GRID2: variants seen among roughly 807,000 people sequenced by gnomAD.
GRID2 encodes glutamate ionotropic receptor delta type subunit 2.
In GRID2, 33 loss-of-function variants were observed where a neutral mutation model predicts 114.8. The observed-to-expected ratio is 0.29, with a 90% CI of 0.22 to 0.38. GRID2 has a LOEUF of 0.38. GRID2 is among the 10% of genes least tolerant of loss of function. The pLI is 1.00. For missense variants in GRID2, 1,184 were observed against 1,257.7 expected, an observed-to-expected ratio of 0.94 and a Z score of 0.89; for synonymous variants, 505 against 449.9, an observed-to-expected ratio of 1.12 and a Z score of -1.55.
intron 1 of GRID2, among the ~76,000 whole-genome samples, chr4:92,497,432 C>G (rs1427027951): frequency 6.6e-6 from 1 of 151,512 alleles, no homozygotes; most frequent in African/African-American, 2.4e-5. Context: ...TCAACACCAG[C>G]CTTAACTACC....
At chr4:93,531,334 C>G (rs1408134224) in intron 13 of GRID2, among the ~76,000 whole-genome samples, 1 of 152,080 alleles carries the variant, frequency 6.6e-6, no homozygotes, top group African/African-American at 2.4e-5. Context: ...ACTGGCAAAC[C>G]TAGTCTTTAT....
intron 3 of GRID2, among the ~76,000 whole-genome samples, chr4:93,099,594 A>T (rs904914311): frequency 2.0e-5 from 3 of 151,954 alleles, no homozygotes; most frequent in Non-Finnish European, 4.4e-5. Flanking sequence ...TGTTACCCAT[A>T]TGCACAAAAA....
At chr4:92,922,334 G>A (rs1335925035) in intron 2 of GRID2, among the ~76,000 whole-genome samples, 2 of 152,202 alleles carry the variant, frequency 1.3e-5, no homozygotes, top group African/African-American at 4.8e-5. Flanking sequence ...CTCATGTTTG[G>A]TGCACTGCAC....
At chr4:93,732,066 A>G (rs951571560) in intron 14 of GRID2, among the ~76,000 whole-genome samples, 1 of 152,232 alleles carries the variant, frequency 6.6e-6, no homozygotes, top group Non-Finnish European at 1.5e-5. Context: ...AGCATCAAGA[A>G]AAATCAGCAG....
chr4:93,504,425 G>A (rs1020335576), intron 12 of GRID2, among the ~76,000 whole-genome samples: 9 of 151,962 alleles, frequency 5.9e-5, no homozygotes, highest in Non-Finnish European at 1.2e-4. Context: ...GTATGGAATA[G>A]GGAGTAAGCT....
chr4:93,408,501 C>A (rs1355806880), intron 9 of GRID2, among the ~76,000 whole-genome samples: 1 of 151,824 alleles, frequency 6.6e-6, no homozygotes, highest in Non-Finnish European at 1.5e-5. Flanking sequence ...TAAAATATAG[C>A]AATAAAAATA....
chr4:93,785,655 C>T (rs1734576163), intron 1 of GRID2, among the ~76,000 whole-genome samples: 1 of 152,240 alleles, frequency 6.6e-6, no homozygotes, highest in Non-Finnish European at 1.5e-5. Context: ...CCAGGCATCA[C>T]TAAGAAGCCA....
chr4:92,610,053 G>C (rs1410970490), intron 2 of GRID2, among the ~76,000 whole-genome samples: 1 of 151,498 alleles, frequency 6.6e-6, no homozygotes, highest in Non-Finnish European at 1.5e-5. Flanking sequence ...CTGGGTTTAT[G>C]GTCCCCCAAA....
intron 2 of GRID2, among the ~76,000 whole-genome samples, chr4:92,614,671 G>A (rs1266488293): frequency 2.6e-5 from 4 of 151,582 alleles, no homozygotes; most frequent in Non-Finnish European, 4.4e-5. Context: ...GATAGAATGT[G>A]TATTTGCTAT....
At chr4:93,062,316 A>G (rs1226410254) in intron 2 of GRID2, among the ~76,000 whole-genome samples, 1 of 152,116 alleles carries the variant, frequency 6.6e-6, no homozygotes, top group African/African-American at 2.4e-5. Context: ...ATATTTACCA[A>G]AATTTCAAAA....
At chr4:93,568,556 G>T (rs547658208) in intron 13 of GRID2, among the ~76,000 whole-genome samples, 76 of 152,240 alleles carry the variant, frequency 5.0e-4, no homozygotes, top group South Asian at 1.0e-3. Flanking sequence ...GAAATGAATC[G>T]ACTATAATAA....
At chr4:92,626,439 C>T (rs117839743) in intron 2 of GRID2, among the ~76,000 whole-genome samples, 1,911 of 151,670 alleles carry the variant, frequency 0.013, 74 homozygotes, top group East Asian at 0.088. Context: ...AAGTTTAAAA[C>T]GAAAAACACA....
At chr4:92,810,851 G>C (rs971656281) in intron 2 of GRID2, among the ~76,000 whole-genome samples, 7 of 152,034 alleles carry the variant, frequency 4.6e-5, no homozygotes, top group African/African-American at 1.2e-4. Flanking sequence ...GAGTGTGGTG[G>C]CACAATCTTG....
chr4:93,582,482 T>G (rs1737081057), intron 13 of GRID2, among the ~76,000 whole-genome samples: 1 of 152,204 alleles, frequency 6.6e-6, no homozygotes, highest in Admixed American at 6.5e-5. Flanking sequence ...AGCATTATTC[T>G]GCCCACCACA....
chr4:92,850,695 T>C (rs1743710396), intron 2 of GRID2, among the ~76,000 whole-genome samples: 1 of 151,944 alleles, frequency 6.6e-6, no homozygotes, highest in Non-Finnish European at 1.5e-5. Flanking sequence ...AGTTCAGTTA[T>C]TTTATTACAA....
intron 2 of GRID2, among the ~76,000 whole-genome samples, chr4:92,972,836 T>G (rs1156573794): frequency 1.3e-5 from 2 of 152,040 alleles, no homozygotes; most frequent in Non-Finnish European, 2.9e-5. Flanking sequence ...TAGCCCCCAC[T>G]TATAAGTGAT....
chr4:93,104,607 T>G (rs941852218), intron 3 of GRID2, among the ~76,000 whole-genome samples: 1 of 152,184 alleles, frequency 6.6e-6, no homozygotes, highest in Non-Finnish European at 1.5e-5. Flanking sequence ...GATTTCCAAT[T>G]TCATCCATGT....
At chr4:93,592,819 C>T (rs1451892352) in intron 13 of GRID2, among the ~76,000 whole-genome samples, 1 of 152,282 alleles carries the variant, frequency 6.6e-6, no homozygotes, top group South Asian at 2.1e-4. Flanking sequence ...TAATGGCCTT[C>T]TTTGTCTCTT....
At chr4:92,819,852 T>C (rs1741157827) in intron 2 of GRID2, among the ~76,000 whole-genome samples, 1 of 152,168 alleles carries the variant, frequency 6.6e-6, no homozygotes, top group South Asian at 2.1e-4. Flanking sequence ...AAATTATTAG[T>C]ACTCCATAAT....
Sources: gnomAD v4.1 joint callset for allele counts (sites outside exome capture counted in the v4.1 genomes callset) on GRCh38, gnomAD v4.1.1 for gene constraint, MANE v1.5 for transcripts, NCBI Gene and HGNC (gene_info 2026-07-23, HGNC 2026-07-21) for gene names.